The following NAPA variants were observed in gnomAD, a reference collection of about 807,000 sequenced individuals.
The protein encoded by NAPA is alpha-soluble NSF attachment protein.
A neutral mutation model predicts 48.0 loss-of-function variants in NAPA; 18 were observed. The observed-to-expected ratio is 0.38, with a 90% CI of 0.26 to 0.56. NAPA has a LOEUF of 0.56. NAPA is among the 20% of genes least tolerant of loss of function. The probability of loss-of-function intolerance (pLI) is 0.77; values close to 1 mark genes in which losing one functional copy is unlikely to be tolerated. For synonymous variants in NAPA, 152 were observed against 149.9 expected (o/e 1.01, Z -0.10); for missense variants, 315 against 385.0 (o/e 0.82, Z 1.52).
At position 47,490,721 on chromosome 19, in the gene NAPA, C is replaced by T. The variant is rs1015547045; in HGVS notation, c.735+67G>A. 22 of 1,392,006 alleles carry T rather than the reference C, an allele frequency of 1.6e-5. No individual in the cohort carries two copies. In the South Asian group the frequency reaches 1.8e-4, roughly 12 times the overall value. The allele number at this position is 1,392,006 out of a possible 1,614,324, so 86.2% of individuals were successfully genotyped here. On this transcript the variant is annotated intron_variant, in intron 9 of 10. Transcript: ENST00000263354. ...ACTGGACAAGTCTTGGCGATTGTCC[C>T]ACCTGGAGCCCCAGCCACCCCCGTC...
intron 1 of NAPA, 120 bp from the exon 2 acceptor site, chr19:47,503,622 C>A (rs1238403521): frequency 2.3e-6 from 2 of 885,848 alleles, no homozygotes; most frequent in African/African-American, 3.3e-5. Context: ...ACCTGTGAAG[C>A]CAGCTTCCCC....
intron 1 of NAPA, among the ~76,000 whole-genome samples, chr19:47,503,857 T>TC (rs1188678947): frequency 6.6e-6 from 1 of 152,094 alleles, no homozygotes; most frequent in Non-Finnish European, 1.5e-5. Flanking sequence ...AAATCCCCTT[T>TC]CCCCGGGAGA....
In NAPA at chr19:47,492,300, G is replaced by A. The variant is rs1040117185; in HGVS notation, c.562-181C>T. ...GCTTGGAGAGGTCAGCGGCCAGTGC[G>A]TGAGCGACCAAGATCAGGGTGTGAT... On this transcript the variant is annotated intron_variant, in intron 7 of 10. Transcript: ENST00000263354. The A allele has an allele frequency of 6.9e-5, 40 of 582,786 alleles. No individual in the cohort carries two copies. The Admixed American group carries it at 7.2e-4, about 11-fold the overall frequency. 36.1% of individuals were successfully genotyped at this position (582,786 alleles called of 1,614,324 possible).
intron 1 of NAPA, among the ~76,000 whole-genome samples, chr19:47,508,914 A>G (rs1018997763): frequency 7.2e-5 from 11 of 151,864 alleles, no homozygotes; most frequent in Admixed American, 2.6e-4. Context: ...TGAGACCCCA[A>G]CTCTACTAAA....
rs1433125380 is a variant in NAPA at position 47,488,156 on chromosome 19, G to A, written c.*132C>T. ...CTGGCGCCCCTGCATGCTGACCCCC[G>A]GTGCCACCTGCCCACTGTGGCCCGC... On this transcript the variant is annotated 3_prime_UTR_variant, in exon 11 of 11. Coordinates refer to ENST00000263354, the MANE Select transcript of NAPA (RefSeq NM_003827.4). 4.5e-5 allele frequency: 35 copies of A among 772,688 alleles called. No individual in the cohort carries two copies. The highest frequency in any genetic ancestry group is 4.0e-4 in the Middle Eastern group (1 of 2,514). The allele number at this position is 772,688 out of a possible 1,614,324, so 47.9% of individuals were successfully genotyped here. A position where few individuals can be genotyped will look rare whatever the true frequency, so the allele number is the denominator to read the frequency against.
Position 47,488,321 on chromosome 19 carries a change from C to T in NAPA, c.855G>A (p.Lys285=), listed in dbSNP as rs1187346437. Residue 285 remains lysine, a synonymous_variant, in exon 11 of 11, where the codon AAG becomes AAA. Transcript: ENST00000263354. ...WLTTMLLRIK[K]TIQGDEEDLR is the part of the protein sequence containing the mutation. ...GGTCCTCCTCATCGCCCTGGATGGT[C>T]TTCTTGATGCGCAGCAGCATGGTGG... is the stretch of plus-strand genomic sequence containing the variant. The T allele has an allele frequency of 6.2e-7, 1 of 1,613,662 alleles. No individual in the cohort carries two copies. Among genetic ancestry groups the T allele is most frequent in the Non-Finnish European group, 8.5e-7 (1 of 1,179,742 alleles).
At chr19:47,508,128 G>T (rs1456389734) in intron 1 of NAPA, among the ~76,000 whole-genome samples, 5 of 152,180 alleles carry the variant, frequency 3.3e-5, no homozygotes, top group African/African-American at 1.2e-4. Context: ...CATCCTCTAG[G>T]CAAAGGAGTA....
intron 2 of NAPA, 87 bp from the exon 3 acceptor site, chr19:47,500,836 G>T: frequency 9.7e-7 from 1 of 1,034,238 alleles, no homozygotes; most frequent in Non-Finnish European, 1.4e-6. Context: ...GAGGTGGGTC[G>T]GGCTCTCGAG....
rs1348644809 is a variant in NAPA, at chr19:47,488,052, T to C, written c.*236A>G. On this transcript the variant is annotated 3_prime_UTR_variant, in exon 11 of 11. Coordinates refer to ENST00000263354, the MANE Select transcript of NAPA (RefSeq NM_003827.4). ...TGGTTTTGGGGGTGAAGGGCACCTATGGGGGCTTAAATAAATGGACAGGGG... is the reference window on the plus strand; with the variant it reads ...TGGTTTTGGGGGTGAAGGGCACCTACGGGGGCTTAAATAAATGGACAGGGG... 4 of 461,212 alleles carry C rather than the reference T, an allele frequency of 8.7e-6. No homozygotes were observed. The highest frequency in any genetic ancestry group is 3.6e-5 in the East Asian group (1 of 27,630). 28.6% of individuals were successfully genotyped at this position (461,212 alleles called of 1,614,324 possible). A position where few individuals can be genotyped will look rare whatever the true frequency, so the allele number is the denominator to read the frequency against.
chr19:47,505,492 G>T, intron 1 of NAPA: 1 of 152,352 alleles, frequency 6.6e-6, no homozygotes, highest in Non-Finnish European at 1.5e-5. Flanking sequence ...CATCAAACCA[G>T]AGTCCCACAG....
At chr19:47,492,837 T>C (rs777025219) in intron 7 of NAPA, 124 bp downstream of exon 7, 2 of 848,588 alleles carry the variant, frequency 2.4e-6, no homozygotes, top group Admixed American at 3.9e-5. Context: ...GCAAGGGATG[T>C]CGGGGGAGAG....
chr19:47,507,492 G>T (rs1396021598), intron 1 of NAPA, among the ~76,000 whole-genome samples: 1 of 152,118 alleles, frequency 6.6e-6, no homozygotes, highest in East Asian at 1.9e-4. Flanking sequence ...CACGAGGCAG[G>T]GTGGACAAAG....
At chr19:47,508,742 A>G (rs1044813906) in intron 1 of NAPA, among the ~76,000 whole-genome samples, 7 of 151,804 alleles carry the variant, frequency 4.6e-5, no homozygotes, top group Admixed American at 3.3e-4. Context: ...GGCTCAAGCA[A>G]TCCTCCTGCC....
chr19:47,509,718 T>C (rs1968769766), intron 1 of NAPA, among the ~76,000 whole-genome samples: 1 of 152,158 alleles, frequency 6.6e-6, no homozygotes, highest in African/African-American at 2.4e-5. Context: ...CCCCACCCCT[T>C]ACTGCACAAT....
chr19:47,509,068 CCT>C (rs1342137538), intron 1 of NAPA, among the ~76,000 whole-genome samples: 1 of 151,902 alleles, frequency 6.6e-6, no homozygotes, highest in Non-Finnish European at 1.5e-5. Flanking sequence ...AGAACAAGAC[CCT>C]GTCTCTCAAA....
rs376821709 is a variant in NAPA at position 47,492,075 on chromosome 19, G to A, written c.606C>T (p.Ala202=). ...AMDSPLLKYS[A]KDYFFKAALC... is the part of the protein sequence containing the mutation. ...GGGCCGCCTTGAAGAAGTAGTCTTT[G>A]GCGCTGTACTTGAGGAGGGGGCTGT... Residue 202 remains alanine, a synonymous_variant, in exon 8 of 11, where the codon GCC becomes GCT. Transcript: ENST00000263354. The A allele has an allele frequency of 2.2e-5, 35 of 1,614,032 alleles. No homozygotes were observed. The highest frequency in any genetic ancestry group is 3.0e-5 in the Non-Finnish European group (35 of 1,179,994).
At chr19:47,498,384 G>C (rs1332701342) in intron 3 of NAPA, among the ~76,000 whole-genome samples, 2 of 152,188 alleles carry the variant, frequency 1.3e-5, no homozygotes, top group African/African-American at 4.8e-5. Flanking sequence ...GAAAGCCAAG[G>C]GTGTCCTGAC....
At chr19:47,497,148 C>T (rs1052539946) in intron 3 of NAPA, 8 of 216,786 alleles carry the variant, frequency 3.7e-5, no homozygotes, top group Admixed American at 1.6e-4. Context: ...GTGAGAGGCC[C>T]GCCTTGCCCC....
chr19:47,509,872 T>C (rs1968773120), intron 1 of NAPA, among the ~76,000 whole-genome samples: 1 of 152,186 alleles, frequency 6.6e-6, no homozygotes, highest in Non-Finnish European at 1.5e-5. Flanking sequence ...GGATTACATT[T>C]CACCACAGAC....
Sources: gnomAD v4.1 joint callset for allele counts (sites outside exome capture counted in the v4.1 genomes callset) on GRCh38, gnomAD v4.1.1 for gene constraint, MANE v1.5 for transcripts, NCBI Gene and HGNC (gene_info 2026-07-23, HGNC 2026-07-21) for gene names.